Variants in RGS6 observed in about 807,000 individuals in gnomAD.
RGS6 encodes regulator of G-protein signaling 6.
A neutral mutation model predicts 78.5 loss-of-function variants in RGS6; 30 were observed. The ratio of observed to expected loss-of-function variants is 0.38; its 90% CI spans 0.29 to 0.52. RGS6 has a LOEUF of 0.52. Ranked by LOEUF, RGS6 falls within the 20% of genes least tolerant of loss-of-function variation. The probability of loss-of-function intolerance (pLI) is 0.85; values close to 1 mark genes in which losing one functional copy is unlikely to be tolerated. For synonymous variants in RGS6, 206 were observed against 206.0 expected, an observed-to-expected ratio of 1.00 and a Z score of 0.00; for missense variants, 495 against 609.7, an observed-to-expected ratio of 0.81 and a Z score of 1.98.
At chr14:71,931,228 T>C (rs2087833297), upstream of RGS6, among the ~76,000 whole-genome samples, 1 of 152,088 alleles carries the variant, frequency 6.6e-6, no homozygotes, top group Non-Finnish European at 1.5e-5. Flanking sequence ...CTGGGTATGG[T>C]TTCTCTTGGT....
At chr14:71,983,275 T>A (rs886626635) in intron 2 of RGS6, among the ~76,000 whole-genome samples, 1 of 152,128 alleles carries the variant, frequency 6.6e-6, no homozygotes, top group Non-Finnish European at 1.5e-5. Flanking sequence ...GGCAAATACC[T>A]CTACGTATGA....
the RGS6 span, among the ~76,000 whole-genome samples, chr14:71,877,695 G>A: frequency 0.022 from 3,280 of 152,206 alleles, 115 homozygotes; most frequent in African/African-American, 0.074. Flanking sequence ...CATCAAAGTC[G>A]TTCTCCATCC....
chr14:72,324,305 A>G (rs1393259078), intron 2 of RGS6, among the ~76,000 whole-genome samples: 1 of 152,228 alleles, frequency 6.6e-6, no homozygotes, highest in African/African-American at 2.4e-5. Flanking sequence ...ACAAGCACAA[A>G]CACCATAAAC....
chr14:72,394,999 G>A (rs1327087190), intron 3 of RGS6, among the ~76,000 whole-genome samples: 5 of 152,100 alleles, frequency 3.3e-5, no homozygotes, highest in East Asian at 1.9e-4. Flanking sequence ...CGGTCCCTCC[G>A]TTTGGGGTCC....
chr14:72,081,851 C>T (rs959149158), intron 2 of RGS6, among the ~76,000 whole-genome samples: 2 of 151,962 alleles, frequency 1.3e-5, no homozygotes, highest in African/African-American at 4.8e-5. Flanking sequence ...TACTTCTTCT[C>T]GTAATTTTTT....
intron 2 of RGS6, among the ~76,000 whole-genome samples, chr14:72,219,947 C>G (rs781699005): frequency 6.6e-6 from 1 of 151,520 alleles, no homozygotes; most frequent in Non-Finnish European, 1.5e-5. Context: ...ATCAACCTCT[C>G]CATGTTTGCA....
chr14:71,941,832 G>A (rs143778086), intron 1 of RGS6, among the ~76,000 whole-genome samples: 143 of 152,244 alleles, frequency 9.4e-4, no homozygotes, highest in African/African-American at 3.0e-3. Context: ...TCAATACTCC[G>A]TATCCCTCAG....
intron 2 of RGS6, among the ~76,000 whole-genome samples, chr14:71,996,579 T>A (rs567411031): frequency 6.6e-6 from 1 of 152,260 alleles, no homozygotes; most frequent in East Asian, 1.9e-4. Flanking sequence ...CTTGTCATTA[T>A]TGATCTAATG....
At chr14:72,595,515 AC>A in the RGS6 span, among the ~76,000 whole-genome samples, 1 of 152,168 alleles carries the variant, frequency 6.6e-6, no homozygotes, top group African/African-American at 2.4e-5. Flanking sequence ...ACAATGCCAA[AC>A]CTTTTTCTGT....
At chr14:71,931,463 G>A (rs2087857844), upstream of RGS6, among the ~76,000 whole-genome samples, 1 of 152,210 alleles carries the variant, frequency 6.6e-6, no homozygotes, top group Admixed American at 6.5e-5. Context: ...GGCGGGAAAA[G>A]ACACAATTTG....
At chr14:72,254,955 G>A (rs903582451) in intron 2 of RGS6, among the ~76,000 whole-genome samples, 7 of 152,184 alleles carry the variant, frequency 4.6e-5, no homozygotes, top group Non-Finnish European at 1.5e-5. Flanking sequence ...TACCTTGACT[G>A]AGGTATGGTG....
At chr14:72,571,569 G>C in the RGS6 span, among the ~76,000 whole-genome samples, 1 of 152,092 alleles carries the variant, frequency 6.6e-6, no homozygotes, top group Non-Finnish European at 1.5e-5. Context: ...CAATTCAATA[G>C]GGGAAAGAAT....
intron 2 of RGS6, among the ~76,000 whole-genome samples, chr14:72,059,030 A>C (rs1318563185): frequency 2.0e-5 from 3 of 151,904 alleles, no homozygotes; most frequent in Non-Finnish European, 4.4e-5. Context: ...CAGCCTCCCA[A>C]GTAGCCGGGA....
At chr14:72,245,630 G>A (rs1052069383) in intron 2 of RGS6, among the ~76,000 whole-genome samples, 8 of 152,148 alleles carry the variant, frequency 5.3e-5, no homozygotes, top group South Asian at 2.1e-4. Flanking sequence ...CAGCTTGGGC[G>A]TTATCCTTCC....
In RGS6 at chr14:72,294,793, C is replaced by T. The variant is rs1481758637; in HGVS notation, c.85-57302C>T. 2.6e-5 allele frequency among the ~76,000 whole-genome samples: 4 copies of T among 152,170 alleles called. No individual in the cohort carries two copies. The South Asian group carries it at 8.3e-4, about 32-fold the overall frequency. ...TGAGAACAGCACCAAAGGGGTGGTGCTAAACCGTTCACGAAGGATCCACCA... is the reference window on the plus strand; with the variant it reads ...TGAGAACAGCACCAAAGGGGTGGTGTTAAACCGTTCACGAAGGATCCACCA... On this transcript the variant is annotated intron_variant, in intron 2 of 17. Coordinates refer to ENST00000553525, the MANE Select transcript of RGS6 (RefSeq NM_001204424.2).
At chr14:71,950,813 T>C (rs914843555) in intron 1 of RGS6, among the ~76,000 whole-genome samples, 3 of 152,052 alleles carry the variant, frequency 2.0e-5, no homozygotes, top group African/African-American at 7.2e-5. Flanking sequence ...AAGAAAAGAT[T>C]AACATCACTG....
At chr14:72,275,608 G>A (rs1056995972) in intron 2 of RGS6, among the ~76,000 whole-genome samples, 6 of 152,172 alleles carry the variant, frequency 3.9e-5, no homozygotes, top group Non-Finnish European at 7.3e-5. Flanking sequence ...CTGTAGGCAG[G>A]ATTCCTACAT....
At chr14:72,267,461 C>G (rs950303372) in intron 2 of RGS6, among the ~76,000 whole-genome samples, 2 of 152,314 alleles carry the variant, frequency 1.3e-5, no homozygotes, top group East Asian at 3.9e-4. Context: ...ATTAGATGAC[C>G]TGCAAAACCA....
chr14:72,266,481 C>T (rs1292340646), intron 2 of RGS6, among the ~76,000 whole-genome samples: 1 of 152,200 alleles, frequency 6.6e-6, no homozygotes, highest in Non-Finnish European at 1.5e-5. Flanking sequence ...TCTGCCACCA[C>T]TATTAATCTT....
Sources: gnomAD v4.1 joint callset for allele counts (sites outside exome capture counted in the v4.1 genomes callset) on GRCh38, gnomAD v4.1.1 for gene constraint, MANE v1.5 for transcripts, NCBI Gene and HGNC (gene_info 2026-07-23, HGNC 2026-07-21) for gene names.